The following ABCC11 variants were observed in gnomAD, a reference collection of about 807,000 sequenced individuals.
The protein encoded by ABCC11 is ATP binding cassette subfamily C member 11.
A neutral mutation model predicts 149.3 loss-of-function variants in ABCC11; 135 were observed. That is an observed-to-expected ratio of 0.90 (90% CI 0.79 to 1.04). The LOEUF is 1.04. ABCC11 is among the 50% of genes least tolerant of loss of function. The pLI, the probability that ABCC11 is intolerant of heterozygous loss-of-function variation, is 0.00. For synonymous variants in ABCC11, 665 were observed against 671.4 expected (o/e 0.99, Z 0.15); for missense variants, 1,680 against 1,722.1 (o/e 0.98, Z 0.43).
At position 48,214,315 on chromosome 16, in the gene ABCC11, C is replaced by A. The variant is rs1466624276; in HGVS notation, c.1248+566G>T. On this transcript the variant is annotated intron_variant, in intron 9 of 29. Coordinates refer to ENST00000356608, the MANE Select transcript of ABCC11 (RefSeq NM_001370497.1). The stretch of plus-strand genomic sequence containing the variant: ...TGCATGCCTGAGCCAAGCAGAGGGG[C>A]CAGCCATCTGGGGCACACACAACCC... 2.0e-5 allele frequency among the ~76,000 whole-genome samples: 3 copies of A among 152,176 alleles called. No individual in the cohort carries two copies. The East Asian group carries it at 5.8e-4, about 30-fold the overall frequency.
intron 24 of ABCC11, among the ~76,000 whole-genome samples, chr16:48,178,032 A>G (rs1281858456): frequency 2.6e-5 from 4 of 152,240 alleles, no homozygotes; most frequent in Non-Finnish European, 2.9e-5. Flanking sequence ...CTCAATCACA[A>G]TAATAAAGAA....
chr16:48,178,728 G>T (rs113171969), intron 23 of ABCC11, 42 bp from the exon 24 acceptor site: 4 of 1,562,200 alleles, frequency 2.6e-6, no homozygotes, highest in Non-Finnish European at 3.5e-6. Context: ...AGGCTGCTGG[G>T]GTGTGCTCAG....
intron 1 of ABCC11, among the ~76,000 whole-genome samples, chr16:48,243,117 T>C (rs935157926): frequency 3.5e-5 from 5 of 144,102 alleles, no homozygotes; most frequent in Non-Finnish European, 7.7e-5. Flanking sequence ...AAAAAAAAAA[T>C]TGGACGGGCG....
intron 19 of ABCC11, among the ~76,000 whole-genome samples, chr16:48,192,955 C>T (rs769201743): frequency 3.9e-5 from 6 of 152,212 alleles, no homozygotes; most frequent in Middle Eastern, 3.2e-3. Flanking sequence ...CCCTTGTGCA[C>T]GCTCTGCTGT....
rs756705023 is a variant in ABCC11 at position 48,231,841 on chromosome 16, C to T, written c.81G>A (p.Met27Ile). 6.2e-7 allele frequency: 1 copy of T among 1,614,118 alleles called. No homozygotes were observed. The highest frequency in any genetic ancestry group is 8.5e-7 in the Non-Finnish European group (1 of 1,180,020). ...VNRGIDIGDD[M>I]VSGLIYKTYT... The stretch of plus-strand genomic sequence containing the variant: ...TACTTACATAAATAAGTCCTGAAAC[C>T]ATGTCATCGCCTATGTCGATGCCAC... Residue 27 changes from methionine (M) to isoleucine (I), a missense_variant, in exon 2 of 30, where the codon ATG becomes ATA. Met to Ile is a conservative substitution (Grantham distance 10). Coordinates refer to ENST00000356608, the MANE Select transcript of ABCC11 (RefSeq NM_001370497.1).
intron 28 of ABCC11, among the ~76,000 whole-genome samples, chr16:48,168,453 C>T (rs1965477450): frequency 6.6e-6 from 1 of 152,154 alleles, no homozygotes; most frequent in Non-Finnish European, 1.5e-5. Flanking sequence ...CAGTTTGCAC[C>T]AACAGTTTTT....
chr16:48,225,054 T>C (rs990199742), intron 4 of ABCC11, among the ~76,000 whole-genome samples: 1 of 129,308 alleles, frequency 7.7e-6, no homozygotes. Context: ...AAAAAAAAAA[T>C]AGTAACAATA....
In ABCC11 at chr16:48,219,367, C is replaced by T. The variant is rs77376251; in HGVS notation, c.778-3080G>A. The stretch of plus-strand genomic sequence containing the variant: ...TGCATTTTTGGTAGAGATGGGATTT[C>T]GCTCTGTTGCCAAAGCTGGTCACAA... On this transcript the variant is annotated intron_variant, in intron 6 of 29. Coordinates refer to ENST00000356608, the MANE Select transcript of ABCC11 (RefSeq NM_001370497.1). 2.5e-3 allele frequency among the ~76,000 whole-genome samples: 386 copies of T among 152,204 alleles called. 9 individuals are homozygous for T. In the East Asian group the frequency reaches 0.058, roughly 23 times the overall value.
At chr16:48,203,683 C>T (rs1398865198) in intron 13 of ABCC11, among the ~76,000 whole-genome samples, 2 of 152,148 alleles carry the variant, frequency 1.3e-5, no homozygotes, top group African/African-American at 4.8e-5. Context: ...GCTTGGCTAA[C>T]ATGACAAAAC....
At position 48,243,993 on chromosome 16, in the gene ABCC11, G is replaced by GAATAAATAAATAAATAAATAAATA. The variant is rs748559863; in HGVS notation, c.-19+3297_-19+3320dup. ...CGCGACAGAGCGAGAATCTGTCTCA[G>GAATAAATAAATAAATAAATAAATA]AATAAATAAATAAATAAATAAATAA... is the stretch of plus-strand genomic sequence containing the variant. On this transcript the variant is annotated intron_variant, in intron 1 of 29. Coordinates refer to ENST00000356608, the MANE Select transcript of ABCC11 (RefSeq NM_001370497.1). Among the ~76,000 whole-genome samples, 209 of 150,966 alleles carry GAATAAATAAATAAATAAATAAATA rather than the reference G, an allele frequency of 1.4e-3. 1 individual carries two copies. Among genetic ancestry groups the GAATAAATAAATAAATAAATAAATA allele is most frequent in the Admixed American group, 3.9e-3 (59 of 15,188 alleles).
rs757024723 is a variant in ABCC11 at position 48,216,152 on chromosome 16, T to C, written c.913A>G (p.Ile305Val). 6 of 1,614,118 alleles carry C rather than the reference T, an allele frequency of 3.7e-6. No individual in the cohort carries two copies. Among genetic ancestry groups the C allele is most frequent in the Non-Finnish European group, 5.1e-6 (6 of 1,180,012 alleles). ...SYFIIGYTAF[I>V]AILCYLLVFP... ...ACCAGGAGATAGCATAAGATGGCAA[T>C]AAATGCAGTGTATCCAATAATGAAG... Residue 305 changes from isoleucine to valine, a missense_variant, in exon 7 of 30, where the codon ATT becomes GTT. Transcript: ENST00000356608.
chr16:48,212,279 C>A (rs2150864719), intron 10 of ABCC11, among the ~76,000 whole-genome samples: 1 of 152,242 alleles, frequency 6.6e-6, no homozygotes, highest in East Asian at 1.9e-4. Flanking sequence ...CTTCCCTAAC[C>A]AGGCTCTTCC....
intron 1 of ABCC11, among the ~76,000 whole-genome samples, chr16:48,245,158 C>T (rs1971292251): frequency 6.6e-6 from 1 of 152,114 alleles, no homozygotes; most frequent in Admixed American, 6.6e-5. Flanking sequence ...TTCTATACTC[C>T]CTGCCACCCT....
chr16:48,177,042 T>C lies in ABCC11; in HGVS notation c.3420A>G (p.Glu1140=), dbSNP rs1966123460. ...SCPQGWPQHG[E]IIFQDYHMKY... ...TCATGTGATAATCCTGAAATATGAT[T>C]TCCCCATGCTGTGGCCACCCCTGGG... is the stretch of plus-strand genomic sequence containing the variant. Residue 1140 remains glutamate, a synonymous_variant, in exon 25 of 30, where the codon GAA becomes GAG. Coordinates refer to ENST00000356608, the MANE Select transcript of ABCC11 (RefSeq NM_001370497.1). 1 of 1,614,088 alleles carries C rather than the reference T, an allele frequency of 6.2e-7. No individual in the cohort carries two copies. The highest frequency in any genetic ancestry group is 1.7e-5 in the Admixed American group (1 of 60,004).
chr16:48,216,657 G>A (rs1969365935), intron 6 of ABCC11, among the ~76,000 whole-genome samples: 1 of 152,144 alleles, frequency 6.6e-6, no homozygotes, highest in Admixed American at 6.5e-5. Flanking sequence ...ATGACCCAAA[G>A]AGTTAAAGAA....
At position 48,203,251 on chromosome 16, in the gene ABCC11, G is replaced by A; in HGVS notation, c.1855C>T (p.Leu619=). Residue 619 remains leucine, a synonymous_variant, in exon 14 of 30, where the codon CTG becomes TTG. Transcript: ENST00000356608. Reference sequence around the variant, plus strand: ...ACCTCTGTCATGTCTCCAAAGGGCAGAAGTTCCAGGTCCCGATTCAGGGAG... The same window carrying A: ...ACCTCTGTCATGTCTCCAAAGGGCAAAAGTTCCAGGTCCCGATTCAGGGAG... ...CCSLNRDLEL[L]PFGDMTEIGE... is the part of the protein sequence containing the mutation. 6.3e-7 allele frequency: 1 copy of A among 1,581,344 alleles called. No individual in the cohort carries two copies. Among genetic ancestry groups the A allele is most frequent in the Middle Eastern group, 1.7e-4 (1 of 6,016 alleles).
In ABCC11 at chr16:48,224,300, A is replaced by C; in HGVS notation, c.525T>G (p.Ile175Met). The C allele has an allele frequency of 6.2e-7, 1 of 1,614,182 alleles. No individual in the cohort carries two copies. Among genetic ancestry groups the C allele is most frequent in the Non-Finnish European group, 8.5e-7 (1 of 1,180,014 alleles). Residue 175 changes from isoleucine (I) to methionine (M), a missense_variant, in exon 5 of 30, where the codon ATT becomes ATG. By Grantham distance (10) the Ile-to-Met change is conservative. Transcript: ENST00000356608. The stretch of plus-strand genomic sequence containing the variant: ...CACTTACTGGCCCGAGTACACTGGC[A>C]ATGCAGAAGCAGATGCCCAGAAGTG... ...FDALLGICFC[I>M]ASVLGPILII...
chr16:48,170,082 C>T (rs1297173844), intron 28 of ABCC11, 23 bp downstream of exon 28: 2 of 1,601,166 alleles, frequency 1.2e-6, no homozygotes, highest in Admixed American at 1.7e-5. Context: ...CTTCCCCTGG[C>T]CACACGGCAG....
At chr16:48,203,791 C>G (rs1209338432) in intron 13 of ABCC11, among the ~76,000 whole-genome samples, 2 of 152,170 alleles carry the variant, frequency 1.3e-5, no homozygotes, top group African/African-American at 4.8e-5. Context: ...TCACTTGAAC[C>G]AGGGAGGCGG....
Sources: gnomAD v4.1 joint callset for allele counts (sites outside exome capture counted in the v4.1 genomes callset) on GRCh38, gnomAD v4.1.1 for gene constraint, MANE v1.5 for transcripts, NCBI Gene and HGNC (gene_info 2026-07-23, HGNC 2026-07-21) for gene names.